Variants in GRAMD4 observed in about 807,000 individuals in gnomAD.
GRAMD4 encodes the protein GRAM domain containing 4.
Under a neutral mutation model 83.9 loss-of-function variants are expected in GRAMD4, and 25 were observed. That is an observed-to-expected ratio of 0.30 (90% CI 0.22 to 0.42). The LOEUF (loss-of-function observed/expected upper bound fraction) is 0.42, where lower values mean the gene tolerates loss of function less well. Among genes scored for constraint, GRAMD4 ranks in the 10% least tolerant of loss-of-function variants. GRAMD4 has a pLI of 1.00. For synonymous variants in GRAMD4, 336 were observed against 320.9 expected (o/e 1.05, Z -0.50); for missense variants, 593 against 788.7 (o/e 0.75, Z 2.97).
chr22:46,596,229 T>C (rs950032348), intron 1 of GRAMD4, among the ~76,000 whole-genome samples: 2 of 152,254 alleles, frequency 1.3e-5, no homozygotes, highest in Admixed American at 1.3e-4. Flanking sequence ...GGACTCTGGC[T>C]GCTGGCTCGT....
At chr22:46,584,795 G>A (rs536434820) in intron 1 of GRAMD4, among the ~76,000 whole-genome samples, 17 of 152,358 alleles carry the variant, frequency 1.1e-4, no homozygotes, top group African/African-American at 3.4e-4. Context: ...GCCCGGCCCC[G>A]CAGGGACGGG....
At chr22:46,639,924 G>A (rs1376930865) in intron 3 of GRAMD4, among the ~76,000 whole-genome samples, 4 of 152,148 alleles carry the variant, frequency 2.6e-5, no homozygotes, top group Admixed American at 1.3e-4. Context: ...CAGTCCTCCC[G>A]ATGACCGTCC....
upstream of GRAMD4, chr22:46,577,000 G>GCGGGGC (rs924712578): frequency 2.7e-5 from 4 of 145,580 alleles, no homozygotes; most frequent in African/African-American, 9.9e-5. Flanking sequence ...CGGGGCGGGG[G>GCGGGGC]CGGGGCCGGG....
intron 3 of GRAMD4, among the ~76,000 whole-genome samples, chr22:46,639,153 A>AGAGT (rs2081935517): frequency 6.7e-6 from 1 of 149,620 alleles, no homozygotes; most frequent in Non-Finnish European, 1.5e-5. Context: ...TGTGTGCGTG[A>AGAGT]GTGTGTGTGT....
intron 1 of GRAMD4, among the ~76,000 whole-genome samples, chr22:46,588,476 G>A (rs747773910): frequency 1.3e-5 from 2 of 152,214 alleles, no homozygotes; most frequent in African/African-American, 4.8e-5. Context: ...TGGTATCTGC[G>A]GAGTGGGTCA....
upstream of GRAMD4, chr22:46,620,224 C>T (rs190717455): frequency 1.3e-6 from 1 of 761,868 alleles, no homozygotes; most frequent in Middle Eastern, 6.4e-4. The surrounding 1 kb of genome is among the most constrained non-coding windows in gnomAD (Gnocchi z 4.7). Context: ...AGAAGCAATT[C>T]AGCGGTTTCC....
At chr22:46,668,189 A>G (rs1490499991) in intron 11 of GRAMD4, 22 bp downstream of exon 11, 1 of 1,582,316 alleles carries the variant, frequency 6.3e-7, no homozygotes, top group Admixed American at 1.7e-5. Flanking sequence ...GGCGCCGGCC[A>G]GGGGTGTGTC....
intron 1 of GRAMD4, among the ~76,000 whole-genome samples, chr22:46,614,849 C>CTTCCCCTGTGCATGTAGG (rs1569261066): frequency 2.7e-3 from 39 of 14,260 alleles, no homozygotes; most frequent in Non-Finnish European, 4.6e-3. Flanking sequence ...GTGCTTGTAG[C>CTTCCCCTGTGCATGTAGG]TTCCCCTGTG....
chr22:46,642,430 G>T (rs970223696), intron 3 of GRAMD4, among the ~76,000 whole-genome samples: 20 of 152,216 alleles, frequency 1.3e-4, no homozygotes, highest in Non-Finnish European at 2.5e-4. Context: ...CTAAGTGCCT[G>T]TGTAACCTCA....
rs1446760771 is a variant in GRAMD4 at position 46,664,577 on chromosome 22, G to A, written c.717+460G>A. 4.6e-5 allele frequency among the ~76,000 whole-genome samples: 7 copies of A among 152,234 alleles called. No individual in the cohort carries two copies. In the East Asian group the frequency reaches 1.3e-3, roughly 29 times the overall value. Reference sequence around the variant, plus strand: ...AGGGTGCCAGGGCCCACATTGCCAGGGCCTTGGGGAAAAGGTGCCCAGCCG... The same window carrying A: ...AGGGTGCCAGGGCCCACATTGCCAGAGCCTTGGGGAAAAGGTGCCCAGCCG... On this transcript the variant is annotated intron_variant, in intron 8 of 18. Coordinates refer to ENST00000406902, the MANE Select transcript of GRAMD4 (RefSeq NM_015124.5).
chr22:46,591,592 T>C (rs1239757386), intron 1 of GRAMD4, among the ~76,000 whole-genome samples: 2 of 151,888 alleles, frequency 1.3e-5, no homozygotes, highest in Non-Finnish European at 2.9e-5. Flanking sequence ...CCCAGCACTT[T>C]GGGAGGCTGA....
At chr22:46,644,952 G>A (rs1397154771) in intron 3 of GRAMD4, among the ~76,000 whole-genome samples, 2 of 107,430 alleles carry the variant, frequency 1.9e-5, no homozygotes, top group Admixed American at 1.4e-4. Context: ...GCTTCACCAT[G>A]TTGCCCAGGC....
chr22:46,616,141 T>TG (rs2081487778), upstream of GRAMD4, among the ~76,000 whole-genome samples: 1 of 142,296 alleles, frequency 7.0e-6, no homozygotes, highest in African/African-American at 2.7e-5. Context: ...CCCCTGTGTG[T>TG]AGGTTCCCCT....
chr22:46,638,128 G>C (rs2081918930), intron 3 of GRAMD4, among the ~76,000 whole-genome samples, 168 bp downstream of exon 3: 1 of 152,206 alleles, frequency 6.6e-6, no homozygotes, highest in Admixed American at 6.5e-5. Flanking sequence ...CTTTGGGCTG[G>C]GTGGTCCCGG....
At chr22:46,628,855 G>A (rs1426405376) in intron 2 of GRAMD4, among the ~76,000 whole-genome samples, 1 of 152,126 alleles carries the variant, frequency 6.6e-6, no homozygotes, top group Non-Finnish European at 1.5e-5. Context: ...CTTGGAGAAT[G>A]TGGCTCCTGG....
chr22:46,643,084 TATCCATCCATCCATCCATCCATCC>T (rs61391783), intron 3 of GRAMD4, among the ~76,000 whole-genome samples: 1 of 76,326 alleles, frequency 1.3e-5, no homozygotes, highest in Non-Finnish European at 2.4e-5. Context: ...TCTATCCATT[TATCCATCCATCCATCCATCCATCC>T]ATCCATCCAT....
intron 3 of GRAMD4, among the ~76,000 whole-genome samples, chr22:46,656,770 A>G (rs1156269895): frequency 6.6e-6 from 1 of 152,212 alleles, no homozygotes; most frequent in Admixed American, 6.5e-5. Flanking sequence ...TGTCTCAGGA[A>G]TATCTCCTGG....
At chr22:46,669,496 C>T (rs2082465948) in intron 13 of GRAMD4, among the ~76,000 whole-genome samples, 1 of 152,090 alleles carries the variant, frequency 6.6e-6, no homozygotes, top group Non-Finnish European at 1.5e-5. Flanking sequence ...ATGCTCTCTT[C>T]CCTCCTTTCT....
At chr22:46,613,854 CTT>C (rs56089417) in intron 1 of GRAMD4, among the ~76,000 whole-genome samples, 5 of 151,842 alleles carry the variant, frequency 3.3e-5, no homozygotes, top group African/African-American at 1.2e-4. Context: ...CTCAGGAACT[CTT>C]TTGCATTTAG....
Sources: gnomAD v4.1 joint callset for allele counts (sites outside exome capture counted in the v4.1 genomes callset) on GRCh38, gnomAD v4.1.1 for gene constraint, Gnocchi (gnomAD v3.1) non-coding constraint, MANE v1.5 for transcripts, NCBI Gene and HGNC (gene_info 2026-07-23, HGNC 2026-07-21) for gene names.